ZNF503: variants seen among roughly 807,000 people sequenced by gnomAD.
ZNF503 encodes the protein zinc finger protein 503.
A neutral mutation model predicts 34.4 loss-of-function variants in ZNF503; 15 were observed. That is an observed-to-expected ratio of 0.44 (90% CI 0.29 to 0.67). ZNF503 has a LOEUF of 0.67. Among genes scored for constraint, ZNF503 ranks in the 30% least tolerant of loss-of-function variants. ZNF503 has a pLI of 0.13. For missense variants in ZNF503, 1,007 were observed against 926.8 expected (o/e 1.09, Z -1.12); for synonymous variants, 580 against 456.8 (o/e 1.27, Z -3.44).
At chr10:75,347,442 G>C in the ZNF503 span, among the ~76,000 whole-genome samples, 28 of 152,218 alleles carry the variant, frequency 1.8e-4, no homozygotes, top group African/African-American at 6.5e-4. Context: ...CCAACCTCCT[G>C]CCGGAGGGGC....
the ZNF503 span, among the ~76,000 whole-genome samples, chr10:75,371,439 TTCTC>T: frequency 2.6e-5 from 4 of 151,640 alleles, no homozygotes; most frequent in African/African-American, 7.3e-5. Flanking sequence ...TCTCTACCTC[TTCTC>T]TCTCTCTCTG....
In ZNF503 at chr10:75,401,568, C is replaced by A; in HGVS notation, c.-149G>T. ...ACGGGCGCCCAGCGCGCCTTCTCGG[C>A]GCCTGGAGCCAGACGCGAGTAATCC... On this transcript the variant is annotated 5_prime_UTR_variant, in exon 1 of 2. Transcript: ENST00000372524. 2.2e-6 allele frequency: 2 copies of A among 926,410 alleles called. No homozygotes were observed. The highest frequency in any genetic ancestry group is 3.2e-5 in the East Asian group (1 of 31,008). The allele number at this position is 926,410 out of a possible 1,614,324, so 57.4% of individuals were successfully genotyped here.
chr10:75,329,784 T>G, the ZNF503 span, among the ~76,000 whole-genome samples: 1 of 152,172 alleles, frequency 6.6e-6, no homozygotes, highest in Non-Finnish European at 1.5e-5. Context: ...GTCAAGCTTT[T>G]CTATGTGTAA....
the ZNF503 span, among the ~76,000 whole-genome samples, chr10:75,317,264 C>CTTTTTTT: frequency 9.4e-5 from 7 of 74,766 alleles, 1 homozygote; most frequent in Admixed American, 1.8e-4. Context: ...CATCCCACGT[C>CTTTTTTT]TTTTTTTTTT....
At chr10:75,350,913 A>C in the ZNF503 span, among the ~76,000 whole-genome samples, 1 of 152,086 alleles carries the variant, frequency 6.6e-6, no homozygotes, top group African/African-American at 2.4e-5. Flanking sequence ...TTCACTCAGC[A>C]GTATGTCTTG....
chr10:75,318,360 A>G, the ZNF503 span, among the ~76,000 whole-genome samples: 2 of 152,114 alleles, frequency 1.3e-5, no homozygotes, highest in African/African-American at 2.4e-5. Context: ...GAAAAAGTCA[A>G]GACAATTGCT....
chr10:75,322,175 A>AGT, the ZNF503 span, among the ~76,000 whole-genome samples: 2 of 144,696 alleles, frequency 1.4e-5, no homozygotes, highest in Non-Finnish European at 3.0e-5. Context: ...ACCAGGCTGG[A>AGT]GTGCAGTGGT....
chr10:75,284,648 A>T, the ZNF503 span, among the ~76,000 whole-genome samples: 2 of 152,136 alleles, frequency 1.3e-5, no homozygotes, highest in Non-Finnish European at 1.5e-5. Context: ...AATACCAGAA[A>T]GGGTTTCATC....
chr10:75,287,905 C>T, the ZNF503 span, among the ~76,000 whole-genome samples: 1 of 152,218 alleles, frequency 6.6e-6, no homozygotes, highest in Non-Finnish European at 1.5e-5. Context: ...GGACCATTCA[C>T]TGTCCAGGAT....
At chr10:75,356,383 T>G in the ZNF503 span, among the ~76,000 whole-genome samples, 1 of 152,084 alleles carries the variant, frequency 6.6e-6, no homozygotes, top group East Asian at 1.9e-4. Flanking sequence ...GCCTGGCTAA[T>G]TTTTTGTATT....
Position 75,400,500 on chromosome 10 carries a change from G to A in ZNF503, c.316-126C>T, listed in dbSNP as rs550968069. ...CCACGAAGATCCTCCCAGCCCCAAG[G>A]CGCAATTCTAGGCGGCACCCCCTCT... is the stretch of plus-strand genomic sequence containing the variant. On this transcript the variant is annotated intron_variant, in intron 1 of 1. Transcript: ENST00000372524. The A allele has an allele frequency of 2.6e-5, 37 of 1,433,378 alleles. No individual in the cohort carries two copies. In the Admixed American group the frequency reaches 7.8e-4, roughly 30 times the overall value. 88.8% of individuals were successfully genotyped at this position (1,433,378 alleles called of 1,614,324 possible).
chr10:75,308,741 T>C, the ZNF503 span, among the ~76,000 whole-genome samples: 14 of 152,236 alleles, frequency 9.2e-5, no homozygotes, highest in Non-Finnish European at 1.8e-4. Context: ...GTGGTAGAAA[T>C]AGCAAGAGAA....
the ZNF503 span, among the ~76,000 whole-genome samples, chr10:75,339,098 G>A: frequency 6.6e-6 from 1 of 152,150 alleles, no homozygotes; most frequent in Admixed American, 6.5e-5. Flanking sequence ...GGACATTATG[G>A]TACACACCTG....
chr10:75,290,743 G>A, the ZNF503 span, among the ~76,000 whole-genome samples: 2 of 152,194 alleles, frequency 1.3e-5, no homozygotes, highest in Admixed American at 1.3e-4. Flanking sequence ...TGTCTCAAAT[G>A]CACTTCACAG....
At chr10:75,383,180 T>A in the ZNF503 span, among the ~76,000 whole-genome samples, 1 of 152,170 alleles carries the variant, frequency 6.6e-6, no homozygotes, top group African/African-American at 2.4e-5. Flanking sequence ...CTTTTACACA[T>A]GAGTCCTCAT....
the ZNF503 span, among the ~76,000 whole-genome samples, chr10:75,316,843 T>A: frequency 6.6e-6 from 1 of 152,190 alleles, no homozygotes; most frequent in Admixed American, 6.5e-5. Context: ...AAAGGGAAAT[T>A]TAAAATATCT....
At chr10:75,285,925 TTGTTTTTTCTCATTTGTATCGGGTGGGC>T in the ZNF503 span, among the ~76,000 whole-genome samples, 3 of 152,088 alleles carry the variant, frequency 2.0e-5, no homozygotes, top group Admixed American at 2.0e-4. Flanking sequence ...GGGTCTTGAG[TTGTTTTTTCTCATTTGTATCGGGTGGGC>T]TCAGCCATAG....
At chr10:75,333,236 A>C in the ZNF503 span, among the ~76,000 whole-genome samples, 1 of 46,176 alleles carries the variant, frequency 2.2e-5, no homozygotes, top group African/African-American at 9.3e-5. Flanking sequence ...AGGGGGGCTG[A>C]CCCCCCCCAC....
At chr10:75,307,848 G>A in the ZNF503 span, among the ~76,000 whole-genome samples, 16 of 152,338 alleles carry the variant, frequency 1.1e-4, no homozygotes, top group South Asian at 3.3e-3. Context: ...GGAGGCCGAG[G>A]CGGGAGGATC....
Sources: allele counts gnomAD v4.1 joint callset (sites outside exome capture counted in the v4.1 genomes callset), GRCh38; gene constraint gnomAD v4.1.1; transcripts MANE v1.5; gene names NCBI Gene and HGNC (gene_info 2026-07-23, HGNC 2026-07-21).